The following PEX14 variants were observed in gnomAD, a reference collection of about 807,000 sequenced individuals.
PEX14 encodes the protein peroxisomal biogenesis factor 14.
PEX14 carries 15 observed loss-of-function variants against 49.5 expected under a neutral mutation model. The observed-to-expected ratio is 0.30, with a 90% CI of 0.20 to 0.47. The LOEUF is 0.47. Among genes scored for constraint, PEX14 ranks in the 20% least tolerant of loss-of-function variants. The pLI, the probability that PEX14 is intolerant of heterozygous loss-of-function variation, is 1.00. For synonymous variants in PEX14, 210 were observed against 212.7 expected, an observed-to-expected ratio of 0.99 and a Z score of 0.11; for missense variants, 398 against 494.8, an observed-to-expected ratio of 0.80 and a Z score of 1.86.
At chr1:10,621,381 C>G in intron 5 of PEX14, among the ~76,000 whole-genome samples, 1 of 138,950 alleles carries the variant, frequency 7.2e-6, no homozygotes, top group East Asian at 2.2e-4. Context: ...CAGTCTAACT[C>G]TGTTACCCGG....
rs754302121 is a variant in PEX14 at position 10,629,906 on chromosome 1, G to A, written c.1053G>A (p.Arg351=). Residue 351 remains arginine (R), a synonymous_variant, in exon 9 of 9, where the codon CGG becomes CGA. Coordinates refer to ENST00000356607, the MANE Select transcript of PEX14 (RefSeq NM_004565.3). The surrounding 1 kb of genome is among the most constrained non-coding windows in gnomAD (Gnocchi z 8.5). ...DCLGVQREDR[R]GGDGQINEQV... Reference sequence around the variant, plus strand: ...TGGGGGTGCAGAGGGAGGACCGCCGGGGCGGGGATGGGCAGATCAACGAGC... The same window carrying A: ...TGGGGGTGCAGAGGGAGGACCGCCGAGGCGGGGATGGGCAGATCAACGAGC... The A allele has an allele frequency of 1.2e-6, 2 of 1,613,436 alleles. No individual in the cohort carries two copies. The highest frequency in any genetic ancestry group is 1.7e-6 in the Non-Finnish European group (2 of 1,179,872).
chr1:10,618,531 T>C, intron 5 of PEX14, 114 bp downstream of exon 5: 1 of 838,916 alleles, frequency 1.2e-6, no homozygotes, highest in Middle Eastern at 2.2e-4. Context: ...CTGGAGTGTG[T>C]TGGCAGTGAG....
At chr1:10,612,510 G>A (rs1456021703) in intron 4 of PEX14, among the ~76,000 whole-genome samples, 1 of 152,164 alleles carries the variant, frequency 6.6e-6, no homozygotes, top group Non-Finnish European at 1.5e-5. Flanking sequence ...TTTCCAACAG[G>A]ACTACTGTTG....
chr1:10,625,511 C>T (rs1000604187), intron 7 of PEX14, among the ~76,000 whole-genome samples: 1 of 152,242 alleles, frequency 6.6e-6, no homozygotes, highest in Admixed American at 6.5e-5. Flanking sequence ...TGGGGTGTCT[C>T]TTGTGAAGAG....
Position 10,536,288 on chromosome 1 carries a change from A to G in PEX14, c.160A>G (p.Lys54Glu), listed in dbSNP as rs766066716. The change falls in exon 3 of 9, where the codon AAG (lysine) becomes GAG (glutamate). Residue 54 changes from lysine to glutamate, a missense_variant. Lys to Glu is a moderately conservative substitution (Grantham distance 56). Around this residue, in one of 3 missense-constraint regions of PEX14, gnomAD observed 202 missense variants for 298.5 expected, o/e 0.68. Transcript: ENST00000356607. ...ACTTGCAACCAGGAGAGCATTCCTA[A>G]AGAAGAAAGGTACAGGTTCCACAGG... is the stretch of plus-strand genomic sequence containing the variant. The part of the protein sequence containing the change: ...SPLATRRAFL[K>E]KKGLTDEEID... 4.4e-6 allele frequency: 7 copies of G among 1,597,440 alleles called. No homozygotes were observed. The South Asian group carries it at 6.6e-5, about 15-fold the overall frequency.
rs1638952680 is a variant in PEX14 at position 10,539,938 on chromosome 1, T to A, written c.169+3641T>A. Among the ~76,000 whole-genome samples, 1 of 152,108 alleles carries A rather than the reference T, an allele frequency of 6.6e-6. No homozygotes were observed. The highest frequency in any genetic ancestry group is 1.5e-5 in the Non-Finnish European group (1 of 68,022). ...AGCAAGCTTCTAGGAAAGACAAACA[T>A]CATCTATTTTTCTGTATAACCCTGC... On this transcript the variant is annotated intron_variant, in intron 3 of 8. Coordinates refer to ENST00000356607, the MANE Select transcript of PEX14 (RefSeq NM_004565.3). This position sits in a 1 kb window ranked among gnomAD's most constrained non-coding sequence, Gnocchi z 4.6.
intron 1 of PEX14, 152 bp downstream of exon 1, chr1:10,475,154 C>A: frequency 1.4e-6 from 1 of 703,954 alleles, no homozygotes; most frequent in African/African-American, 1.8e-5. Context: ...CTCCCCAGGT[C>A]CTCCCCACCC....
At chr1:10,604,053 G>T (rs775092476) in intron 4 of PEX14, among the ~76,000 whole-genome samples, 1 of 152,196 alleles carries the variant, frequency 6.6e-6, no homozygotes, top group African/African-American at 2.4e-5. Flanking sequence ...GTTATTGAAT[G>T]CCTACTGTGT....
At position 10,495,107 on chromosome 1, in the gene PEX14, C is replaced by T; in HGVS notation, c.37-167C>T. The T allele has an allele frequency of 1.0e-6, 1 of 985,086 alleles. No individual in the cohort carries two copies. The highest frequency in any genetic ancestry group is 1.2e-6 in the Non-Finnish European group (1 of 829,648). 61.0% of individuals were successfully genotyped at this position (985,086 alleles called of 1,614,324 possible). On this transcript the variant is annotated intron_variant, in intron 1 of 8. Transcript: ENST00000356607. The surrounding 1 kb of genome is among the most constrained non-coding windows in gnomAD (Gnocchi z 4.2). Reference sequence around the variant, plus strand: ...TGGTGAATTCAGACTCTTTGGGCTACTTTTTACAGGTAGTCCACTGCAAAA... The same window carrying T: ...TGGTGAATTCAGACTCTTTGGGCTATTTTTTACAGGTAGTCCACTGCAAAA...
At chr1:10,590,287 C>T (rs11577757) in intron 3 of PEX14, among the ~76,000 whole-genome samples, 41,484 of 152,190 alleles carry the variant, frequency 0.27, 7,433 homozygotes, top group Non-Finnish European at 0.4. Flanking sequence ...ACAGGGTTAG[C>T]GTGGAGCTCA....
At chr1:10,552,791 G>T (rs988377590) in intron 3 of PEX14, among the ~76,000 whole-genome samples, 3 of 152,172 alleles carry the variant, frequency 2.0e-5, no homozygotes, top group Non-Finnish European at 4.4e-5. Context: ...TTGTGGTAGG[G>T]GAGGAGAACT....
At chr1:10,596,174 A>G (rs1189710563) in intron 3 of PEX14, among the ~76,000 whole-genome samples, 1 of 152,182 alleles carries the variant, frequency 6.6e-6, no homozygotes, top group East Asian at 1.9e-4. Flanking sequence ...CTAAGTTCCA[A>G]ATGAATCACC....
At chr1:10,499,689 T>C (rs552652198) in intron 2 of PEX14, among the ~76,000 whole-genome samples, 4 of 152,174 alleles carry the variant, frequency 2.6e-5, no homozygotes, top group South Asian at 4.1e-4. Context: ...CCTTGTGATC[T>C]GCCCACCTTG....
intron 1 of PEX14, among the ~76,000 whole-genome samples, chr1:10,493,841 A>G (rs1335496817): frequency 6.6e-6 from 1 of 152,256 alleles, no homozygotes; most frequent in Non-Finnish European, 1.5e-5. Flanking sequence ...AGTTTGTCCC[A>G]TTCATGCCAA....
At chr1:10,616,554 G>A (rs762751846) in intron 4 of PEX14, among the ~76,000 whole-genome samples, 77 of 152,248 alleles carry the variant, frequency 5.1e-4, no homozygotes, top group African/African-American at 1.7e-3. Flanking sequence ...TGCTGTGATC[G>A]CCTTCCCCGC....
intron 3 of PEX14, among the ~76,000 whole-genome samples, chr1:10,574,602 A>T (rs1640069002): frequency 6.6e-6 from 1 of 152,194 alleles, no homozygotes; most frequent in African/African-American, 2.4e-5. Flanking sequence ...ATGATCAGCA[A>T]AGGCTAGGAG....
intron 3 of PEX14, among the ~76,000 whole-genome samples, chr1:10,546,834 A>C (rs1270113294): frequency 6.6e-6 from 1 of 152,026 alleles, no homozygotes; most frequent in Admixed American, 6.6e-5. Flanking sequence ...GCGCCACTGC[A>C]CTCCAGCCTG....
intron 1 of PEX14, among the ~76,000 whole-genome samples, 193 bp downstream of exon 1, chr1:10,475,195 C>T (rs781500899): frequency 5.3e-5 from 8 of 151,172 alleles, no homozygotes; most frequent in Non-Finnish European, 1.2e-4. Context: ...CCTCTTTGAC[C>T]ACATTCCGGA....
At chr1:10,488,749 C>T (rs1211108683) in intron 1 of PEX14, among the ~76,000 whole-genome samples, 6 of 152,042 alleles carry the variant, frequency 3.9e-5, no homozygotes, top group African/African-American at 1.4e-4. Context: ...GTGATCCATC[C>T]GCCTCGGCCT....
Sources: allele counts gnomAD v4.1 joint callset (sites outside exome capture counted in the v4.1 genomes callset), GRCh38; gene constraint gnomAD v4.1.1; regional missense constraint gnomAD v4.1.1; non-coding constraint Gnocchi (gnomAD v3.1); transcripts MANE v1.5; gene names NCBI Gene and HGNC (gene_info 2026-07-23, HGNC 2026-07-21).